GFRA2: variants seen among roughly 807,000 people sequenced by gnomAD.
The protein encoded by GFRA2 is GDNF family receptor alpha-2.
A neutral mutation model predicts 48.3 loss-of-function variants in GFRA2; 17 were observed. That is an observed-to-expected ratio of 0.35 (90% CI 0.24 to 0.53). The LOEUF is 0.53. Ranked by LOEUF, GFRA2 falls within the 20% of genes least tolerant of loss-of-function variation. The pLI, the probability that GFRA2 is intolerant of heterozygous loss-of-function variation, is 0.93. For missense variants in GFRA2, 660 were observed against 637.3 expected (o/e 1.04, Z -0.38); for synonymous variants, 305 against 257.2 (o/e 1.19, Z -1.78).
intron 3 of GFRA2, among the ~76,000 whole-genome samples, chr8:21,752,226 C>A (rs566385444): frequency 6.6e-6 from 1 of 152,262 alleles, no homozygotes; most frequent in South Asian, 2.1e-4. Flanking sequence ...AGCTACCACT[C>A]CATTTTTCTG....
chr8:21,751,050 C>T (rs1333273635), intron 3 of GFRA2, 108 bp from the exon 4 acceptor site: 1 of 756,642 alleles, frequency 1.3e-6, no homozygotes, highest in East Asian at 2.7e-5. Flanking sequence ...TTCCATGTGC[C>T]TGCTCTGTGC....
intron 7 of GFRA2, among the ~76,000 whole-genome samples, chr8:21,699,146 T>C (rs149985024): frequency 1.3e-5 from 2 of 152,320 alleles, no homozygotes; most frequent in East Asian, 1.9e-4. Flanking sequence ...GTGCCTGGGA[T>C]GTAGTGACGT....
intron 1 of GFRA2, among the ~76,000 whole-genome samples, chr8:21,785,742 G>A (rs1034334541): frequency 1.4e-4 from 21 of 152,258 alleles, no homozygotes; most frequent in Non-Finnish European, 2.4e-4. Context: ...CAGCACTGGA[G>A]GTCAAGATAC....
At chr8:21,776,775 C>T (rs1806727628) in intron 2 of GFRA2, among the ~76,000 whole-genome samples, 1 of 152,022 alleles carries the variant, frequency 6.6e-6, no homozygotes, top group Non-Finnish European at 1.5e-5. Flanking sequence ...CCAGCCAAGA[C>T]GCATTATTTA....
rs531394221 is a variant in GFRA2, at chr8:21,742,212, G to A, written c.794+8376C>T. Among the ~76,000 whole-genome samples the A allele has an allele frequency of 3.9e-5, 6 of 152,286 alleles. No homozygotes were observed. In the South Asian group the frequency reaches 1.2e-3, roughly 32 times the overall value. On this transcript the variant is annotated intron_variant, in intron 4 of 8. Transcript: ENST00000524240. ...TTAAACCCCTAATCTCCAGCGTGAT[G>A]GTATTTGGAGATGGGGCCTTTGGGA...
intron 8 of GFRA2, among the ~76,000 whole-genome samples, chr8:21,694,091 A>ATATATATATATATATATATATATAT (rs1802035893): frequency 2.1e-5 from 3 of 139,752 alleles, no homozygotes; most frequent in Non-Finnish European, 4.7e-5. Context: ...ATATATATAT[A>ATATATATATATATATATATATATAT]TTTCCTATAG....
chr8:21,750,614 G>GC lies in GFRA2; in HGVS notation c.767dup (p.Val257ArgfsTer5). ...GACACAGGTGGTCAGTCCGGCACAC[G>GC]CCACGCAGGTCCAGGCAGTTGGGCT... On this transcript the variant is annotated frameshift_variant, in exon 4 of 9. Coordinates refer to ENST00000524240, the MANE Select transcript of GFRA2 (RefSeq NM_001495.5). LOFTEE classifies it high-confidence loss of function. This position sits in a 1 kb window ranked among gnomAD's most constrained non-coding sequence, Gnocchi z 5.7. 6.2e-7 allele frequency: 1 copy of GC among 1,610,566 alleles called. No homozygotes were observed. Among genetic ancestry groups the GC allele is most frequent in the Non-Finnish European group, 8.5e-7 (1 of 1,178,142 alleles).
intron 3 of GFRA2, among the ~76,000 whole-genome samples, chr8:21,772,955 A>G (rs1354869901): frequency 2.0e-5 from 3 of 152,340 alleles, no homozygotes; most frequent in African/African-American, 7.2e-5. Context: ...TGCACGCAGT[A>G]GTAATCTGCC....
intron 4 of GFRA2, among the ~76,000 whole-genome samples, chr8:21,749,862 T>C (rs534832098): frequency 6.6e-5 from 10 of 151,942 alleles, no homozygotes; most frequent in African/African-American, 1.7e-4. Flanking sequence ...ACCTATAAAA[T>C]AGGAGTAAAA....
At chr8:21,729,251 G>A (rs1156713125) in intron 4 of GFRA2, among the ~76,000 whole-genome samples, 1 of 152,176 alleles carries the variant, frequency 6.6e-6, no homozygotes, top group Admixed American at 6.5e-5. Context: ...GATCACTTGA[G>A]CCCAGGAGCT....
chr8:21,751,017 A>T (rs1052395776), intron 3 of GFRA2, 75 bp from the exon 4 acceptor site: 2 of 990,356 alleles, frequency 2.0e-6, no homozygotes, highest in African/African-American at 3.2e-5. Context: ...TCACTGGAAG[A>T]TGTCTCCCAG....
chr8:21,758,136 C>A (rs28430688), intron 3 of GFRA2, among the ~76,000 whole-genome samples: 11,578 of 151,720 alleles, frequency 0.076, 1,413 homozygotes, highest in African/African-American at 0.26. Flanking sequence ...CCCTGTGATT[C>A]TGAGGCCACC....
intron 2 of GFRA2, among the ~76,000 whole-genome samples, chr8:21,802,178 CT>C (rs375833442): frequency 7.5e-4 from 115 of 152,370 alleles, no homozygotes; most frequent in African/African-American, 2.7e-3. Flanking sequence ...ACCCCTGATT[CT>C]GCCACTTTCT....
chr8:21,789,838 C>T (rs1260731671), upstream of GFRA2, among the ~76,000 whole-genome samples: 2 of 152,052 alleles, frequency 1.3e-5, no homozygotes, highest in Admixed American at 1.3e-4. Flanking sequence ...ACCACCTCCT[C>T]GGAGGCCGGC....
At chr8:21,781,166 C>T (rs1806966993) in intron 2 of GFRA2, among the ~76,000 whole-genome samples, 1 of 152,168 alleles carries the variant, frequency 6.6e-6, no homozygotes, top group African/African-American at 2.4e-5. Flanking sequence ...GGTTCCGCCA[C>T]AACTGTTCCT....
At chr8:21,734,064 C>T (rs1354116207) in intron 4 of GFRA2, among the ~76,000 whole-genome samples, 1 of 152,210 alleles carries the variant, frequency 6.6e-6, no homozygotes, top group African/African-American at 2.4e-5. Context: ...AACTGGGGGC[C>T]TCCACCGAAG....
chr8:21,724,067 G>T (rs767156457), intron 4 of GFRA2, among the ~76,000 whole-genome samples: 12 of 152,196 alleles, frequency 7.9e-5, no homozygotes, highest in Non-Finnish European at 1.2e-4. Flanking sequence ...GCCCACAGAG[G>T]AGACAATACC....
rs1042533526 is a variant in GFRA2 at position 21,777,157 on chromosome 8, C to T, written c.356-2102G>A. On this transcript the variant is annotated intron_variant, in intron 2 of 8. Coordinates refer to ENST00000524240, the MANE Select transcript of GFRA2 (RefSeq NM_001495.5). ...TGACCAAGGTCACACAGCTAACAAG[C>T]GACAGAGCCAGGGTTCACACCCAGG... Among the ~76,000 whole-genome samples, 17 of 152,176 alleles carry T rather than the reference C, an allele frequency of 1.1e-4. 1 individual carries two copies. The highest frequency in any genetic ancestry group is 1.0e-3 in the South Asian group (5 of 4,826).
intron 4 of GFRA2, among the ~76,000 whole-genome samples, chr8:21,711,479 T>A (rs1356699404): frequency 6.6e-6 from 1 of 152,134 alleles, no homozygotes; most frequent in Non-Finnish European, 1.5e-5. Context: ...TGGGCGTGTT[T>A]CCTTGGCAGC....
Sources: allele counts gnomAD v4.1 joint callset (sites outside exome capture counted in the v4.1 genomes callset), GRCh38; gene constraint gnomAD v4.1.1; non-coding constraint Gnocchi (gnomAD v3.1); transcripts MANE v1.5; gene names NCBI Gene and HGNC (gene_info 2026-07-23, HGNC 2026-07-21).